The following SYT1 variants were observed in gnomAD, a reference collection of about 807,000 sequenced individuals.
The protein encoded by SYT1 is synaptotagmin-1.
In SYT1, 8 loss-of-function variants were observed where a neutral mutation model predicts 44.8. The observed-to-expected ratio is 0.18, with a 90% CI of 0.10 to 0.32. SYT1 has a LOEUF of 0.32. SYT1 is among the 10% of genes least tolerant of loss of function. SYT1 has a pLI of 1.00. For missense variants in SYT1, 286 were observed against 509.3 expected (o/e 0.56, Z 4.22); for synonymous variants, 154 against 188.8 (o/e 0.82, Z 1.51).
intron 3 of SYT1, among the ~76,000 whole-genome samples, chr12:79,159,079 A>G (rs1472906246): frequency 6.6e-6 from 1 of 152,212 alleles, no homozygotes; most frequent in Non-Finnish European, 1.5e-5. Flanking sequence ...CATTAGGACC[A>G]GATTGGAAAA....
At chr12:78,910,530 A>T (rs1169713016) in intron 1 of SYT1, among the ~76,000 whole-genome samples, 4 of 151,968 alleles carry the variant, frequency 2.6e-5, no homozygotes, top group African/African-American at 9.7e-5. Flanking sequence ...GACTGCAAAC[A>T]TTTATTTGTT....
At chr12:79,345,817 G>A (rs767195430) in intron 8 of SYT1, among the ~76,000 whole-genome samples, 2 of 152,106 alleles carry the variant, frequency 1.3e-5, no homozygotes, top group Non-Finnish European at 2.9e-5. Context: ...TATAAGTGAA[G>A]ACTGTTTTAG....
chr12:79,363,873 T>C (rs1883427121), intron 9 of SYT1, among the ~76,000 whole-genome samples: 1 of 152,128 alleles, frequency 6.6e-6, no homozygotes, highest in Non-Finnish European at 1.5e-5. Context: ...ACCATAGTCT[T>C]GCCACTTGCT....
At chr12:79,109,793 G>A (rs1592756448) in intron 3 of SYT1, among the ~76,000 whole-genome samples, 1 of 152,090 alleles carries the variant, frequency 6.6e-6, no homozygotes, top group African/African-American at 2.4e-5. Context: ...AGTGTTGCTA[G>A]TCAGTGTTTT....
At chr12:79,084,592 A>T (rs1394578300) in intron 3 of SYT1, among the ~76,000 whole-genome samples, 1 of 152,132 alleles carries the variant, frequency 6.6e-6, no homozygotes. Flanking sequence ...ATGACAGCTT[A>T]AAAACATTTG....
At chr12:79,250,576 C>A (rs1411454149) in intron 4 of SYT1, among the ~76,000 whole-genome samples, 1 of 152,136 alleles carries the variant, frequency 6.6e-6, no homozygotes, top group African/African-American at 2.4e-5. Context: ...CAATAAAAAT[C>A]TGTGAACAAA....
chr12:79,101,803 G>T (rs1272622065), intron 3 of SYT1, among the ~76,000 whole-genome samples: 1 of 152,030 alleles, frequency 6.6e-6, no homozygotes, highest in Non-Finnish European at 1.5e-5. Context: ...GCTACTCGAG[G>T]GCTGAGGCCA....
chr12:79,041,610 C>T (rs1397277883), intron 2 of SYT1, among the ~76,000 whole-genome samples: 1 of 152,048 alleles, frequency 6.6e-6, no homozygotes, highest in Non-Finnish European at 1.5e-5. Flanking sequence ...ATTGAATACC[C>T]TTTATTTCCT....
At chr12:79,383,244 C>A (rs1884299237) in intron 9 of SYT1, among the ~76,000 whole-genome samples, 1 of 152,006 alleles carries the variant, frequency 6.6e-6, no homozygotes, top group Non-Finnish European at 1.5e-5. Flanking sequence ...AGGCTACAAA[C>A]CTTTAGAGAA....
intron 3 of SYT1, among the ~76,000 whole-genome samples, chr12:79,188,625 C>T (rs546840213): frequency 1.3e-5 from 2 of 152,200 alleles, no homozygotes; most frequent in South Asian, 2.1e-4. Flanking sequence ...TCCATTTCAC[C>T]TTTCTAGCTT....
intron 9 of SYT1, among the ~76,000 whole-genome samples, chr12:79,412,711 C>A (rs1018078369): frequency 1.3e-5 from 2 of 152,140 alleles, no homozygotes; most frequent in African/African-American, 4.8e-5. Flanking sequence ...TCCACAATTA[C>A]TTTTAGAAGA....
At chr12:79,118,789 A>G (rs1432972197) in intron 3 of SYT1, among the ~76,000 whole-genome samples, 1 of 152,002 alleles carries the variant, frequency 6.6e-6, no homozygotes, top group African/African-American at 2.4e-5. Context: ...GAGCACTCTA[A>G]TTTTCTATGG....
At chr12:79,420,442 C>T (rs1869035921) in intron 9 of SYT1, among the ~76,000 whole-genome samples, 1 of 152,122 alleles carries the variant, frequency 6.6e-6, no homozygotes, top group Non-Finnish European at 1.5e-5. Flanking sequence ...AATCCTTTGA[C>T]CTCAGTTACT....
chr12:78,910,477 C>T (rs1415823679), intron 1 of SYT1, among the ~76,000 whole-genome samples: 2 of 151,924 alleles, frequency 1.3e-5, no homozygotes, highest in African/African-American at 4.8e-5. Flanking sequence ...ATTGATTTCT[C>T]AGCTCATCTT....
chr12:79,343,550 G>C (rs925551232), intron 8 of SYT1, among the ~76,000 whole-genome samples: 1 of 152,148 alleles, frequency 6.6e-6, no homozygotes, highest in Non-Finnish European at 1.5e-5. Context: ...CTTGGGAATT[G>C]AACCTAAGTA....
intron 9 of SYT1, among the ~76,000 whole-genome samples, chr12:79,400,555 A>G (rs937746638): frequency 1.3e-5 from 2 of 152,246 alleles, no homozygotes; most frequent in African/African-American, 4.8e-5. Context: ...AGAAGGCAGA[A>G]AAACACAAAG....
At chr12:78,921,423 A>T (rs1276539753) in intron 1 of SYT1, among the ~76,000 whole-genome samples, 1 of 152,004 alleles carries the variant, frequency 6.6e-6, no homozygotes, top group Non-Finnish European at 1.5e-5. Flanking sequence ...ATTATTTTTA[A>T]ATCAAACAAA....
intron 1 of SYT1, among the ~76,000 whole-genome samples, chr12:78,964,323 A>G (rs932611975): frequency 6.6e-6 from 1 of 152,212 alleles, no homozygotes; most frequent in African/African-American, 2.4e-5. Context: ...ACCCAACTTA[A>G]AGCTTCCCTT....
chr12:79,426,027 T>G (rs922987801), intron 9 of SYT1, among the ~76,000 whole-genome samples: 1 of 151,976 alleles, frequency 6.6e-6, no homozygotes, highest in African/African-American at 2.4e-5. Context: ...GCCTTCAAAT[T>G]AAGTAAAAAG....
Sources: allele counts gnomAD v4.1 joint callset (sites outside exome capture counted in the v4.1 genomes callset), GRCh38; gene constraint gnomAD v4.1.1; transcripts MANE v1.5; gene names NCBI Gene and HGNC (gene_info 2026-07-23, HGNC 2026-07-21).